Variants in ZNF69 observed in about 807,000 individuals in gnomAD.
The protein encoded by ZNF69 is zinc finger protein 69.
Under a neutral mutation model 50.9 loss-of-function variants are expected in ZNF69, and 47 were observed. The ratio of observed to expected loss-of-function variants is 0.92; its 90% CI spans 0.73 to 1.18. The LOEUF (loss-of-function observed/expected upper bound fraction) is 1.18. Among genes scored for constraint, ZNF69 ranks in the 50% most tolerant of loss-of-function variants. The pLI, the probability that ZNF69 is intolerant of heterozygous loss-of-function variation, is 0.00. For missense variants in ZNF69, 717 were observed against 675.1 expected (o/e 1.06, Z -0.69); for synonymous variants, 216 against 223.1 (o/e 0.97, Z 0.29).
At chr19:11,979,931 G>A in the ZNF69 span, 317 of 1,316,356 alleles carry the variant, frequency 2.4e-4, 1 homozygote, top group African/African-American at 4.5e-3. Context: ...CTTTTATTCT[G>A]CCAAGTCATT....
chr19:11,889,600 G>T (rs534237494), intron 1 of ZNF69, among the ~76,000 whole-genome samples: 1 of 152,316 alleles, frequency 6.6e-6, no homozygotes, highest in East Asian at 1.9e-4. Flanking sequence ...TGAGTAGCTG[G>T]GATTACAGGC....
At chr19:11,949,324 C>T in the ZNF69 span, 58 of 1,613,640 alleles carry the variant, frequency 3.6e-5, no homozygotes, top group South Asian at 3.5e-4. Context: ...CTCACAGCTT[C>T]GAGTGCACGG....
At chr19:11,954,047 G>GA in the ZNF69 span, among the ~76,000 whole-genome samples, 12 of 152,156 alleles carry the variant, frequency 7.9e-5, no homozygotes, top group South Asian at 2.1e-4. Context: ...AAAACAAGGT[G>GA]AAAAAACAGG....
the ZNF69 span, chr19:11,948,652 C>T: frequency 6.2e-6 from 10 of 1,611,556 alleles, no homozygotes; most frequent in Middle Eastern, 1.6e-4. Flanking sequence ...TTCAAGCATT[C>T]GAAGACACAT....
the ZNF69 span, among the ~76,000 whole-genome samples, chr19:11,941,667 C>T: frequency 2.5e-3 from 385 of 152,298 alleles, 2 homozygotes; most frequent in African/African-American, 8.7e-3. Context: ...AGTTCCCGCT[C>T]GCGCCTCTCC....
At chr19:11,889,523 T>G (rs900021835) in intron 1 of ZNF69, among the ~76,000 whole-genome samples, 1 of 152,190 alleles carries the variant, frequency 6.6e-6, no homozygotes, top group African/African-American at 2.4e-5. Context: ...TGGAGTGCAA[T>G]GGCTCAATCT....
At chr19:11,902,664 T>TG (rs1005932505) in intron 1 of ZNF69, among the ~76,000 whole-genome samples, 29 of 150,796 alleles carry the variant, frequency 1.9e-4, no homozygotes, top group African/African-American at 5.9e-4. Context: ...GGGTGGTCCC[T>TG]GGGGGAGTGT....
In ZNF69 at chr19:11,913,741, C is replaced by G. The variant is rs149528470; in HGVS notation, c.*331C>G. Reference sequence around the variant, plus strand: ...ATACCAACAGTTATCTCATGTACCTCTGAGTGCCTTCTTCCCAAAAGCCAG... The same window carrying G: ...ATACCAACAGTTATCTCATGTACCTGTGAGTGCCTTCTTCCCAAAAGCCAG... On this transcript the variant is annotated 3_prime_UTR_variant, in exon 5 of 5. Coordinates refer to the ZNF69 transcript ENST00000340180. 88 of 179,154 alleles carry G rather than the reference C, an allele frequency of 4.9e-4. 1 individual carries two copies. The highest frequency in any genetic ancestry group is 2.1e-3 in the African/African-American group (88 of 42,578). 11.1% of individuals were successfully genotyped at this position (179,154 alleles called of 1,614,324 possible).
At chr19:11,929,828 G>C in the ZNF69 span, among the ~76,000 whole-genome samples, 125 of 148,350 alleles carry the variant, frequency 8.4e-4, 16 homozygotes, top group African/African-American at 3.2e-3. Context: ...GGAAAGCAGA[G>C]AATAACCACT....
the ZNF69 span, among the ~76,000 whole-genome samples, chr19:11,951,480 C>T: frequency 1.3e-5 from 2 of 151,938 alleles, no homozygotes; most frequent in Non-Finnish European, 1.5e-5. Flanking sequence ...CTGCCCACCT[C>T]GGCTTCCTAA....
chr19:11,890,383 TACAA>T (rs1432655525), intron 1 of ZNF69, among the ~76,000 whole-genome samples: 1 of 152,194 alleles, frequency 6.6e-6, no homozygotes, highest in African/African-American at 2.4e-5. Context: ...GCATACTGCC[TACAA>T]ACATATTGTT....
At chr19:11,978,734 T>C in the ZNF69 span, 29,194 of 1,613,936 alleles carry the variant, frequency 0.018, 315 homozygotes, top group African/African-American at 0.026. Context: ...GTTCCAGTTC[T>C]TTTCAAGCAC....
chr19:11,932,933 G>A, the ZNF69 span, among the ~76,000 whole-genome samples: 5 of 148,374 alleles, frequency 3.4e-5, 2 homozygotes, highest in South Asian at 2.1e-4. Context: ...CACTGCACCC[G>A]GCCAATATGT....
the ZNF69 span, among the ~76,000 whole-genome samples, chr19:11,974,110 TTTCTTTCTTTCTTTCTTTTCTTTC>T: frequency 0.011 from 1,139 of 101,014 alleles, 7 homozygotes; most frequent in Middle Eastern, 0.031. Context: ...TCTTTCTTTC[TTTCTTTCTTTCTTTCTTTTCTTTC>T]TTTCTTTCTT....
downstream of ZNF69, among the ~76,000 whole-genome samples, chr19:11,909,580 T>C (rs1456460172): frequency 1.3e-5 from 2 of 152,154 alleles, no homozygotes; most frequent in Non-Finnish European, 2.9e-5. Context: ...CAAGATTATC[T>C]GAATAGATGC....
intron 1 of ZNF69, among the ~76,000 whole-genome samples, chr19:11,890,462 G>C (rs1977058231): frequency 6.6e-6 from 1 of 152,242 alleles, no homozygotes; most frequent in African/African-American, 2.4e-5. Context: ...ACAGGTTTCT[G>C]TGAGCACAGG....
chr19:11,943,469 G>T, the ZNF69 span, among the ~76,000 whole-genome samples: 4 of 152,198 alleles, frequency 2.6e-5, no homozygotes, highest in Non-Finnish European at 5.9e-5. Context: ...ATCCGGTTGA[G>T]CATGTAAATG....
At chr19:11,959,538 A>G in the ZNF69 span, among the ~76,000 whole-genome samples, 2 of 152,164 alleles carry the variant, frequency 1.3e-5, no homozygotes, top group Non-Finnish European at 2.9e-5. Flanking sequence ...TTAATACACC[A>G]TTAGTATTAT....
the ZNF69 span, among the ~76,000 whole-genome samples, chr19:11,953,891 A>G: frequency 6.7e-6 from 1 of 150,022 alleles, no homozygotes; most frequent in Non-Finnish European, 1.5e-5. Context: ...ACAATTAATA[A>G]GGTTTTAATA....
Sources: gnomAD v4.1 joint callset for allele counts (sites outside exome capture counted in the v4.1 genomes callset) on GRCh38, gnomAD v4.1.1 for gene constraint, MANE v1.5 for transcripts, NCBI Gene and HGNC (gene_info 2026-07-23, HGNC 2026-07-21) for gene names.